Variants in RASAL2 observed in about 807,000 individuals in gnomAD.
The protein encoded by RASAL2 is ras GTPase-activating protein nGAP.
A neutral mutation model predicts 128.9 loss-of-function variants in RASAL2; 58 were observed. The observed-to-expected ratio is 0.45, with a 90% confidence interval of 0.36 to 0.56. The LOEUF (loss-of-function observed/expected upper bound fraction) is 0.56, where lower values mean the gene tolerates loss of function less well. Ranked by LOEUF, RASAL2 falls within the 20% of genes least tolerant of loss-of-function variation. The pLI is 0.00. For synonymous variants in RASAL2, 561 were observed against 580.8 expected, an observed-to-expected ratio of 0.97 and a Z score of 0.49; for missense variants, 1,360 against 1,601.6, an observed-to-expected ratio of 0.85 and a Z score of 2.57.
chr1:178,229,277 C>G (rs1459723635), intron 1 of RASAL2, among the ~76,000 whole-genome samples: 1 of 152,032 alleles, frequency 6.6e-6, no homozygotes. Context: ...ATGGCCTAAC[C>G]CATAATCCAC....
intron 1 of RASAL2, among the ~76,000 whole-genome samples, chr1:178,196,514 G>A (rs546402554): frequency 1.3e-5 from 2 of 152,240 alleles, no homozygotes; most frequent in African/African-American, 4.8e-5. Flanking sequence ...GAAAATTCTA[G>A]AAATCAAAAC....
intron 1 of RASAL2, among the ~76,000 whole-genome samples, chr1:178,196,223 C>A (rs1195511713): frequency 6.6e-6 from 1 of 151,588 alleles, no homozygotes; most frequent in Non-Finnish European, 1.5e-5. Flanking sequence ...TTATATATAC[C>A]TAAAAATATA....
At chr1:178,198,319 A>G (rs901202522) in intron 1 of RASAL2, among the ~76,000 whole-genome samples, 2 of 152,200 alleles carry the variant, frequency 1.3e-5, no homozygotes, top group East Asian at 3.9e-4. Flanking sequence ...CACTCCCACC[A>G]AAAGTGTAAA....
intron 1 of RASAL2, among the ~76,000 whole-genome samples, chr1:178,236,448 A>G (rs1664244892): frequency 6.6e-6 from 1 of 152,210 alleles, no homozygotes. Context: ...AGAATGTCTA[A>G]TAATCACCCC....
intron 4 of RASAL2, among the ~76,000 whole-genome samples, chr1:178,393,222 T>C (rs1673015239): frequency 6.6e-6 from 1 of 152,174 alleles, no homozygotes; most frequent in Non-Finnish European, 1.5e-5. Flanking sequence ...TTACATTTAT[T>C]GTGCACTTTA....
intron 1 of RASAL2, among the ~76,000 whole-genome samples, chr1:178,234,935 A>G (rs1264328694): frequency 6.6e-6 from 1 of 152,210 alleles, no homozygotes; most frequent in Non-Finnish European, 1.5e-5. Flanking sequence ...ATGTATGCCA[A>G]AAATTAAGTA....
chr1:178,426,951 A>G (rs749486384), intron 5 of RASAL2, among the ~76,000 whole-genome samples: 15 of 152,182 alleles, frequency 9.9e-5, no homozygotes, highest in Non-Finnish European at 1.9e-4. Flanking sequence ...AGTCTGAGAG[A>G]CCAGTTAACA....
rs558718430 is a variant in RASAL2 at position 178,244,274 on chromosome 1, G to T, written c.203-39290G>T. 2.6e-5 allele frequency among the ~76,000 whole-genome samples: 4 copies of T among 151,814 alleles called. No individual in the cohort carries two copies. In the South Asian group the frequency reaches 6.3e-4, roughly 24 times the overall value. On this transcript the variant is annotated intron_variant, in intron 1 of 17. Coordinates refer to ENST00000367649, the MANE Select transcript of RASAL2 (RefSeq NM_170692.4). ...TTTTTTCTTTTTGAGAAGGAGTCTC[G>T]CTCTGTCACCCAGGCTGGACTGCAG...
chr1:178,389,187 C>CT, intron 3 of RASAL2: 1 of 756,410 alleles, frequency 1.3e-6, no homozygotes, highest in Non-Finnish European at 1.6e-6. Flanking sequence ...ACACAGAATA[C>CT]TTTTTTTAGG....
At chr1:178,212,387 C>T (rs1663283290) in intron 1 of RASAL2, among the ~76,000 whole-genome samples, 1 of 152,132 alleles carries the variant, frequency 6.6e-6, no homozygotes, top group South Asian at 2.1e-4. Flanking sequence ...CATATGTGAG[C>T]TTTGTGATCT....
intron 3 of RASAL2, among the ~76,000 whole-genome samples, chr1:178,367,052 A>G (rs1251689160): frequency 1.8e-4 from 28 of 152,236 alleles, no homozygotes; most frequent in Admixed American, 1.8e-3. Context: ...GATGAATTTT[A>G]TAGTATGTGA....
intron 3 of RASAL2, among the ~76,000 whole-genome samples, chr1:178,382,437 A>T (rs1672335042): frequency 6.6e-6 from 1 of 152,098 alleles, no homozygotes; most frequent in Admixed American, 6.5e-5. Flanking sequence ...TATGAAGAAA[A>T]CTAGAGTCTC....
intron 3 of RASAL2, among the ~76,000 whole-genome samples, chr1:178,308,116 C>T (rs1185636330): frequency 2.6e-5 from 4 of 152,032 alleles, no homozygotes; most frequent in Non-Finnish European, 4.4e-5. Flanking sequence ...TTTATAAAAA[C>T]TGTGCCTGTG....
chr1:178,458,597 T>G, intron 14 of RASAL2, 53 bp downstream of exon 14: 1 of 1,508,490 alleles, frequency 6.6e-7, no homozygotes, highest in East Asian at 2.3e-5. Flanking sequence ...TCTGTTTCCT[T>G]GGTTCTTTAT....
chr1:178,187,229 T>TC (rs1662334912), intron 1 of RASAL2, among the ~76,000 whole-genome samples: 1 of 152,138 alleles, frequency 6.6e-6, no homozygotes, highest in Admixed American at 6.6e-5. Context: ...CAGCCCTTTT[T>TC]CCCCCACTCT....
intron 1 of RASAL2, among the ~76,000 whole-genome samples, chr1:178,226,887 C>T (rs549216824): frequency 6.6e-6 from 1 of 152,226 alleles, no homozygotes; most frequent in African/African-American, 2.4e-5. Context: ...TTGCAGTGAG[C>T]CAAGATCATG....
At chr1:178,198,867 G>GT (rs1662766052) in intron 1 of RASAL2, among the ~76,000 whole-genome samples, 1 of 152,186 alleles carries the variant, frequency 6.6e-6, no homozygotes, top group South Asian at 2.1e-4. Context: ...AGACAGGAAC[G>GT]TTTAAGTCTG....
chr1:178,327,615 G>A (rs535370542), intron 3 of RASAL2, among the ~76,000 whole-genome samples: 1 of 152,214 alleles, frequency 6.6e-6, no homozygotes, highest in African/African-American at 2.4e-5. Flanking sequence ...GCCTTCCAAA[G>A]TTCTGGGATT....
chr1:178,185,529 G>C (rs371253463), intron 1 of RASAL2, among the ~76,000 whole-genome samples: 1 of 151,686 alleles, frequency 6.6e-6, no homozygotes, highest in African/African-American at 2.4e-5. Context: ...TGGCTTGGGG[G>C]TATATAAGAA....
Sources: gnomAD v4.1 joint callset for allele counts (sites outside exome capture counted in the v4.1 genomes callset) on GRCh38, gnomAD v4.1.1 for gene constraint, MANE v1.5 for transcripts, NCBI Gene and HGNC (gene_info 2026-07-23, HGNC 2026-07-21) for gene names.